Variants in VWC2 observed in about 807,000 individuals in gnomAD.
VWC2 encodes von Willebrand factor C domain containing 2, also known as brorin.
Under a neutral mutation model 29.8 loss-of-function variants are expected in VWC2, and 14 were observed. That is an observed-to-expected ratio of 0.47 (90% confidence interval 0.31 to 0.74). The LOEUF is 0.74. Among genes scored for constraint, VWC2 ranks in the 30% least tolerant of loss-of-function variants. VWC2 has a pLI of 0.05. For missense variants in VWC2, 457 were observed against 459.8 expected (o/e 0.99, Z 0.05); for synonymous variants, 213 against 199.0 (o/e 1.07, Z -0.59).
intron 2 of VWC2, among the ~76,000 whole-genome samples, chr7:49,788,355 G>A (rs1008504748): frequency 3.3e-5 from 5 of 152,148 alleles, no homozygotes; most frequent in African/African-American, 1.2e-4. Flanking sequence ...GGTGCCTTTG[G>A]TCATCTTCAC....
intron 2 of VWC2, among the ~76,000 whole-genome samples, chr7:49,796,347 C>T (rs1788589497): frequency 1.3e-5 from 2 of 152,174 alleles, no homozygotes; most frequent in African/African-American, 4.8e-5. Context: ...GTGCATTCAG[C>T]CTGGAATTAC....
intron 3 of VWC2, among the ~76,000 whole-genome samples, chr7:49,910,605 T>TA (rs11331851): frequency 6.6e-6 from 1 of 151,882 alleles, no homozygotes; most frequent in Non-Finnish European, 1.5e-5. Flanking sequence ...ATTAATCTTT[T>TA]AAAAAAAAAT....
intron 3 of VWC2, among the ~76,000 whole-genome samples, chr7:49,867,465 G>A (rs935814203): frequency 2.0e-5 from 3 of 152,178 alleles, no homozygotes; most frequent in South Asian, 4.1e-4. Context: ...CCAAGCGAAG[G>A]AAAATGTTAA....
At chr7:49,816,449 A>G (rs183558282) in intron 3 of VWC2, among the ~76,000 whole-genome samples, 1 of 152,318 alleles carries the variant, frequency 6.6e-6, no homozygotes, top group Admixed American at 6.5e-5. Flanking sequence ...ATGGTTGACC[A>G]TACAAGGTAG....
At chr7:49,826,736 T>C (rs1301784845) in intron 3 of VWC2, among the ~76,000 whole-genome samples, 3 of 152,210 alleles carry the variant, frequency 2.0e-5, no homozygotes, top group Admixed American at 6.5e-5. Flanking sequence ...TGGTTTCATT[T>C]AAAAGGTTTT....
chr7:49,807,593 C>A (rs1428797260), intron 3 of VWC2, among the ~76,000 whole-genome samples: 1 of 152,132 alleles, frequency 6.6e-6, no homozygotes, highest in Non-Finnish European at 1.5e-5. Context: ...TAAAAGAGAT[C>A]ATGATTGCTA....
rs1448799116 is a variant in VWC2, at chr7:49,917,734, G to C, written c.*5549G>C. 6.6e-6 allele frequency: 1 copy of C among 151,936 alleles called. No individual in the cohort carries two copies. The highest frequency in any genetic ancestry group is 2.4e-5 in the African/African-American group (1 of 41,402). 9.4% of individuals were successfully genotyped at this position (151,936 alleles called of 1,614,324 possible). ...CAACATATACATTAAAGTGTATTTAGATGATTAATATTTAATGATCATTAT... is the reference window on the plus strand; with the variant it reads ...CAACATATACATTAAAGTGTATTTACATGATTAATATTTAATGATCATTAT... On this transcript the variant is annotated 3_prime_UTR_variant, in exon 4 of 4. Transcript: ENST00000340652.
rs1793737620 is a variant in VWC2 at position 49,916,563 on chromosome 7, T to C, written c.*4378T>C. 1 of 152,244 alleles carries C rather than the reference T, an allele frequency of 6.6e-6. No individual in the cohort carries two copies. The highest frequency in any genetic ancestry group is 2.1e-4 in the South Asian group (1 of 4,836). The allele number at this position is 152,244 out of a possible 1,614,324, so 9.4% of individuals were successfully genotyped here. A position where few individuals can be genotyped will look rare whatever the true frequency, so the allele number is the denominator to read the frequency against. On this transcript the variant is annotated 3_prime_UTR_variant, in exon 4 of 4. Transcript: ENST00000340652. ...ATACCATAGTTTGCATAATGGTTAATTTTATGCCTGCTTCTTCTATTATTT... is the reference window on the plus strand; with the variant it reads ...ATACCATAGTTTGCATAATGGTTAACTTTATGCCTGCTTCTTCTATTATTT...
At chr7:49,897,270 AATCTC>A (rs1171284469) in intron 3 of VWC2, among the ~76,000 whole-genome samples, 2 of 152,208 alleles carry the variant, frequency 1.3e-5, no homozygotes, top group Non-Finnish European at 2.9e-5. Context: ...AGTATCCTTA[AATCTC>A]ATCCAATAAT....
At chr7:49,857,043 A>G (rs1401890083) in intron 3 of VWC2, among the ~76,000 whole-genome samples, 1 of 134,458 alleles carries the variant, frequency 7.4e-6, no homozygotes, top group Non-Finnish European at 1.6e-5. Context: ...AAAAAAAAAG[A>G]CGTAACATGA....
In VWC2 at chr7:49,900,161, G is replaced by A. The variant is rs183445179; in HGVS notation, c.827-11873G>A. On this transcript the variant is annotated intron_variant, in intron 3 of 3. Coordinates refer to ENST00000340652, the MANE Select transcript of VWC2 (RefSeq NM_198570.5). ...TTTTAAACTAAATAAAAATATATGT[G>A]TGGGATATAGTGAAAGCAGGACTTT... Among the ~76,000 whole-genome samples the A allele has an allele frequency of 1.2e-4, 18 of 151,476 alleles. No homozygotes were observed. The East Asian group carries it at 3.3e-3, about 28-fold the overall frequency.
At chr7:49,799,462 C>A (rs937486033) in intron 2 of VWC2, among the ~76,000 whole-genome samples, 1 of 152,260 alleles carries the variant, frequency 6.6e-6, no homozygotes, top group Non-Finnish European at 1.5e-5. Flanking sequence ...GAGGGACTCA[C>A]ACAGCTTTGC....
chr7:49,806,174 A>G (rs1421305257), intron 3 of VWC2, among the ~76,000 whole-genome samples: 1 of 151,932 alleles, frequency 6.6e-6, no homozygotes, highest in Admixed American at 6.6e-5. Flanking sequence ...ATAGGTGCAC[A>G]GCACCCATTC....
At chr7:49,802,220 T>A (rs547831247) in intron 2 of VWC2, among the ~76,000 whole-genome samples, 1 of 152,340 alleles carries the variant, frequency 6.6e-6, no homozygotes, top group Admixed American at 6.5e-5. Context: ...TCCTGTGCGT[T>A]TGCACCTAAG....
At chr7:49,787,457 C>T (rs911175785) in intron 2 of VWC2, among the ~76,000 whole-genome samples, 1 of 152,102 alleles carries the variant, frequency 6.6e-6, no homozygotes. Flanking sequence ...TCTTGATATG[C>T]CAGGAGCTAA....
intron 2 of VWC2, among the ~76,000 whole-genome samples, chr7:49,778,536 C>T (rs1788100839): frequency 6.6e-6 from 1 of 152,222 alleles, no homozygotes; most frequent in South Asian, 2.1e-4. Flanking sequence ...GTATCGGGAA[C>T]ATTTCTAGGC....
chr7:49,811,857 G>T (rs1789017507), intron 3 of VWC2, among the ~76,000 whole-genome samples: 1 of 152,158 alleles, frequency 6.6e-6, no homozygotes, highest in Non-Finnish European at 1.5e-5. Context: ...AGATATGTAT[G>T]CAAATGTTCC....
chr7:49,893,444 G>C (rs1792229226), intron 3 of VWC2, among the ~76,000 whole-genome samples: 1 of 152,072 alleles, frequency 6.6e-6, no homozygotes, highest in Non-Finnish European at 1.5e-5. Context: ...GACAAAATTT[G>C]ATTTTTTTCG....
In VWC2 at chr7:49,921,429, T is replaced by C. The variant is rs1162076144; in HGVS notation, c.*9244T>C. On this transcript the variant is annotated 3_prime_UTR_variant, in exon 4 of 4. Transcript: ENST00000340652. ...AACGTTTGCAATTTATTTGCTTTAA[T>C]GTAACTTGGCAGTAAAGACTTTGGC... 1 of 152,238 alleles carries C rather than the reference T, an allele frequency of 6.6e-6. No individual in the cohort carries two copies. Among genetic ancestry groups the C allele is most frequent in the Non-Finnish European group, 1.5e-5 (1 of 68,046 alleles). 9.4% of individuals were successfully genotyped at this position (152,238 alleles called of 1,614,324 possible).
Sources: gnomAD v4.1 joint callset for allele counts (sites outside exome capture counted in the v4.1 genomes callset) on GRCh38, gnomAD v4.1.1 for gene constraint, MANE v1.5 for transcripts, NCBI Gene and HGNC (gene_info 2026-07-23, HGNC 2026-07-21) for gene names.